The following HS2ST1 variants were observed in gnomAD, a reference collection of about 807,000 sequenced individuals.
The protein encoded by HS2ST1 is heparan sulfate 2-O-sulfotransferase 1.
HS2ST1 carries 18 observed loss-of-function variants against 42.9 expected under a neutral mutation model. That is an observed-to-expected ratio of 0.42 (90% confidence interval 0.29 to 0.62). The LOEUF (loss-of-function observed/expected upper bound fraction) is 0.62. Among genes scored for constraint, HS2ST1 ranks in the 20% least tolerant of loss-of-function variants. The pLI, the probability that HS2ST1 is intolerant of heterozygous loss-of-function variation, is 0.21. For missense variants in HS2ST1, 334 were observed against 433.8 expected (o/e 0.77, Z 2.04); for synonymous variants, 146 against 152.9 (o/e 0.95, Z 0.33).
intron 1 of HS2ST1, among the ~76,000 whole-genome samples, chr1:86,937,163 A>T (rs1660674291): frequency 6.6e-6 from 1 of 152,044 alleles, no homozygotes; most frequent in Non-Finnish European, 1.5e-5. Flanking sequence ...CAGGTTAAAC[A>T]CTATTTGCAA....
intron 1 of HS2ST1, among the ~76,000 whole-genome samples, chr1:87,003,136 C>T (rs531705118): frequency 6.6e-6 from 1 of 152,304 alleles, no homozygotes; most frequent in Non-Finnish European, 1.5e-5. Flanking sequence ...GATCTTTGAA[C>T]AGGGAAAGCA....
Position 86,914,749 on chromosome 1 carries a change from G to A in HS2ST1, c.-288G>A, listed in dbSNP as rs12727725. Reference sequence around the variant, plus strand: ...GCGGGGGTCGGGGACTGAGGCAGTAGAGGGAGGCGAGAGCCCGGCAGCCGC... The same window carrying A: ...GCGGGGGTCGGGGACTGAGGCAGTAAAGGGAGGCGAGAGCCCGGCAGCCGC... On this transcript the variant is annotated 5_prime_UTR_variant, in exon 1 of 7. Transcript: ENST00000370550. The A allele has an allele frequency of 2.2e-6, 1 of 457,880 alleles. No individual in the cohort carries two copies. The highest frequency in any genetic ancestry group is 3.9e-6 in the Non-Finnish European group (1 of 254,772). 28.4% of individuals were successfully genotyped at this position (457,880 alleles called of 1,614,324 possible).
intron 1 of HS2ST1, chr1:86,932,400 C>T (rs1282097935): frequency 6.6e-6 from 1 of 152,016 alleles, no homozygotes; most frequent in Non-Finnish European, 1.5e-5. Context: ...TCATGATATA[C>T]CATGTACCAT....
intron 1 of HS2ST1, among the ~76,000 whole-genome samples, chr1:87,065,884 T>C (rs1385619255): frequency 1.3e-5 from 2 of 152,220 alleles, no homozygotes; most frequent in African/African-American, 4.8e-5. Flanking sequence ...ATCTAGTTGT[T>C]ATCAATGTAT....
intron 1 of HS2ST1, among the ~76,000 whole-genome samples, chr1:86,987,162 C>G (rs1355392189): frequency 6.6e-6 from 1 of 151,570 alleles, no homozygotes; most frequent in African/African-American, 2.4e-5. Context: ...CTCCACCTCC[C>G]AGGTTAAAGT....
intron 1 of HS2ST1, among the ~76,000 whole-genome samples, chr1:86,935,455 CT>C (rs552713297): frequency 0.013 from 789 of 62,040 alleles, no homozygotes; most frequent in African/African-American, 0.044. Context: ...TCTTTTTCTC[CT>C]TTTTTTTTTT....
intron 1 of HS2ST1, among the ~76,000 whole-genome samples, chr1:87,020,648 A>G (rs1054359002): frequency 6.6e-6 from 1 of 152,184 alleles, no homozygotes; most frequent in Admixed American, 6.5e-5. Context: ...TTTGAGATCA[A>G]GGAGATCAAG....
chr1:87,027,855 A>T (rs922318259), intron 1 of HS2ST1, among the ~76,000 whole-genome samples: 1 of 152,064 alleles, frequency 6.6e-6, no homozygotes, highest in African/African-American at 2.4e-5. Context: ...CACCTGGCTG[A>T]TTTTTGTATT....
At chr1:87,082,336 C>T (rs1651715097) in intron 2 of HS2ST1, among the ~76,000 whole-genome samples, 1 of 152,200 alleles carries the variant, frequency 6.6e-6, no homozygotes, top group Non-Finnish European at 1.5e-5. Flanking sequence ...CTGACTCTTA[C>T]TTCTGCCCAC....
At chr1:86,977,680 A>G (rs1430171412) in intron 1 of HS2ST1, among the ~76,000 whole-genome samples, 1 of 152,230 alleles carries the variant, frequency 6.6e-6, no homozygotes, top group Non-Finnish European at 1.5e-5. Flanking sequence ...CAAGCCCAAG[A>G]GAAAGCAAGG....
intron 1 of HS2ST1, among the ~76,000 whole-genome samples, chr1:86,997,523 A>G (rs1203075940): frequency 6.6e-6 from 1 of 152,218 alleles, no homozygotes; most frequent in Non-Finnish European, 1.5e-5. Context: ...TTGTTTAAAG[A>G]AATACAGTAA....
intron 1 of HS2ST1, among the ~76,000 whole-genome samples, chr1:87,041,727 TTCTCAAGGTTAA>T (rs970226100): frequency 6.6e-6 from 1 of 152,220 alleles, no homozygotes; most frequent in African/African-American, 2.4e-5. Flanking sequence ...TGGCATAATG[TTCTCAAGGTTAA>T]TCTGTGTTGT....
At chr1:87,102,986 T>A (rs1652252422) in intron 5 of HS2ST1, among the ~76,000 whole-genome samples, 1 of 152,204 alleles carries the variant, frequency 6.6e-6, no homozygotes, top group South Asian at 2.1e-4. Flanking sequence ...TATTTTCTGT[T>A]CCTCAGAAAT....
intron 1 of HS2ST1, among the ~76,000 whole-genome samples, chr1:87,001,738 C>T (rs949305740): frequency 3.3e-5 from 5 of 152,052 alleles, no homozygotes; most frequent in African/African-American, 9.7e-5. Flanking sequence ...CTCAGCCTCC[C>T]GAGTAGCTGG....
At chr1:86,976,211 C>T (rs1648395929) in intron 1 of HS2ST1, among the ~76,000 whole-genome samples, 1 of 152,168 alleles carries the variant, frequency 6.6e-6, no homozygotes, top group South Asian at 2.1e-4. Flanking sequence ...TGATTGAGAA[C>T]TTGTCAGTCA....
chr1:86,923,814 C>A (rs995219167), intron 1 of HS2ST1, among the ~76,000 whole-genome samples: 2 of 152,218 alleles, frequency 1.3e-5, no homozygotes, highest in Non-Finnish European at 2.9e-5. Context: ...TCCCACAACA[C>A]AGGGGAATTC....
At position 86,959,793 on chromosome 1, in the gene HS2ST1, T is replaced by C. The variant is rs551200987; in HGVS notation, c.124+44633T>C. ...TGAGGAAAATGACAAAAATAAAAAA[T>C]CGAAGATCTAAATAAACAGATATTC... On this transcript the variant is annotated intron_variant, in intron 1 of 6. Coordinates refer to ENST00000370550, the MANE Select transcript of HS2ST1 (RefSeq NM_012262.4). 9.7e-4 allele frequency among the ~76,000 whole-genome samples: 147 copies of C among 152,234 alleles called. 1 individual carries two copies. The highest frequency in any genetic ancestry group is 1.3e-3 in the Non-Finnish European group (86 of 68,006).
intron 1 of HS2ST1, among the ~76,000 whole-genome samples, chr1:87,015,813 CT>C (rs957169428): frequency 2.6e-5 from 4 of 151,024 alleles, no homozygotes; most frequent in African/African-American, 7.3e-5. Flanking sequence ...CTTTTTCTTT[CT>C]TTTTTTTTAT....
rs1038645114 is a variant in HS2ST1 at position 87,105,197 on chromosome 1, A to C, written c.*501A>C. On this transcript the variant is annotated 3_prime_UTR_variant, in exon 7 of 7. Transcript: ENST00000370550. ...TCTCATGAAATTTATTGGAATGTTT[A>C]ATCATATTTGCTAAGAAATGTTTCT... 2.6e-5 allele frequency: 4 copies of C among 152,652 alleles called. No homozygotes were observed. The highest frequency in any genetic ancestry group is 9.7e-5 in the African/African-American group (4 of 41,440). 9.5% of individuals were successfully genotyped at this position (152,652 alleles called of 1,614,324 possible).
Sources: allele counts gnomAD v4.1 joint callset (sites outside exome capture counted in the v4.1 genomes callset), GRCh38; gene constraint gnomAD v4.1.1; transcripts MANE v1.5; gene names NCBI Gene and HGNC (gene_info 2026-07-23, HGNC 2026-07-21).